Variants in RBFOX1 observed in about 807,000 individuals in gnomAD.
The protein encoded by RBFOX1 is RNA binding fox-1 homolog 1.
RBFOX1 carries 8 observed loss-of-function variants against 57.7 expected under a neutral mutation model. That is an observed-to-expected ratio of 0.14 (90% CI 0.08 to 0.25). The LOEUF is 0.25. Among genes scored for constraint, RBFOX1 ranks in the 10% least tolerant of loss-of-function variants. The probability of loss-of-function intolerance (pLI) is 1.00; values close to 1 mark genes in which losing one functional copy is unlikely to be tolerated. For synonymous variants in RBFOX1, 326 were observed against 222.4 expected (o/e 1.47, Z -4.15); for missense variants, 611 against 548.5 (o/e 1.11, Z -1.14).
intron 3 of RBFOX1, among the ~76,000 whole-genome samples, chr16:6,880,154 C>T (rs1291088001): frequency 2.6e-5 from 4 of 152,140 alleles, no homozygotes; most frequent in African/African-American, 4.8e-5. Flanking sequence ...GCACAGTTCT[C>T]TAATCATGGG....
At chr16:5,455,559 C>G (rs1281731375) in intron 1 of RBFOX1, among the ~76,000 whole-genome samples, 1 of 152,132 alleles carries the variant, frequency 6.6e-6, no homozygotes, top group Non-Finnish European at 1.5e-5. Context: ...CTAAGGTAAC[C>G]ACATACATTT....
intron 4 of RBFOX1, among the ~76,000 whole-genome samples, chr16:7,163,560 A>G (rs1307517973): frequency 2.0e-5 from 3 of 151,836 alleles, no homozygotes; most frequent in Non-Finnish European, 4.4e-5. Flanking sequence ...TCCACCTAGA[A>G]TCTCAATAAG....
chr16:6,853,966 C>T (rs2057328782), intron 3 of RBFOX1, among the ~76,000 whole-genome samples: 1 of 152,094 alleles, frequency 6.6e-6, no homozygotes, highest in African/African-American at 2.4e-5. Context: ...TTTTTTCAGA[C>T]AGTCATCTCC....
At chr16:7,256,187 T>C (rs2094674123) in intron 4 of RBFOX1, among the ~76,000 whole-genome samples, 1 of 152,188 alleles carries the variant, frequency 6.6e-6, no homozygotes, top group African/African-American at 2.4e-5. Flanking sequence ...GGCGAGAAGC[T>C]GGAGATGGTA....
intron 4 of RBFOX1, among the ~76,000 whole-genome samples, chr16:5,944,441 A>C (rs529092898): frequency 6.6e-6 from 1 of 152,258 alleles, no homozygotes; most frequent in African/African-American, 2.4e-5. Flanking sequence ...CTGAGGACAG[A>C]GTAGCTTTTC....
intron 3 of RBFOX1, among the ~76,000 whole-genome samples, chr16:6,920,342 T>C (rs2074192163): frequency 6.6e-6 from 1 of 152,186 alleles, no homozygotes. Context: ...TGAAGTTCAC[T>C]CCTGATATTG....
rs185110222 is a variant in RBFOX1, at chr16:7,588,946, C to G, written c.468+1646C>G. ...GCAAAAACAAAAGCAAAACAGAATC[C>G]CTTACACTTTGTGATAATACTCCTT... On this transcript the variant is annotated intron_variant, in intron 7 of 15. Transcript: ENST00000550418. Among the ~76,000 whole-genome samples the G allele has an allele frequency of 3.9e-5, 6 of 152,276 alleles. No homozygotes were observed. The East Asian group carries it at 7.7e-4, about 20-fold the overall frequency.
At chr16:7,611,130 A>T (rs1038128661) in intron 10 of RBFOX1, among the ~76,000 whole-genome samples, 3 of 152,240 alleles carry the variant, frequency 2.0e-5, no homozygotes, top group African/African-American at 7.2e-5. Context: ...TCTGAAGCTT[A>T]TGCAGAATTA....
chr16:7,134,217 G>T (rs1452073906), intron 4 of RBFOX1, among the ~76,000 whole-genome samples: 1 of 152,136 alleles, frequency 6.6e-6, no homozygotes, highest in Admixed American at 6.5e-5. Context: ...TGAGATTTTT[G>T]CCATTTGGAT....
intron 2 of RBFOX1, among the ~76,000 whole-genome samples, chr16:5,484,894 CAA>C (rs1337919913): frequency 1.5e-5 from 2 of 134,324 alleles, no homozygotes; most frequent in Non-Finnish European, 3.3e-5. Flanking sequence ...AGACTCCATC[CAA>C]AAAAAAAAAA....
At chr16:6,946,588 T>A (rs2079567603) in intron 3 of RBFOX1, among the ~76,000 whole-genome samples, 2 of 152,202 alleles carry the variant, frequency 1.3e-5, no homozygotes, top group Middle Eastern at 3.4e-3. Context: ...TCCAAGAACC[T>A]TTTTTTCATT....
chr16:5,283,673 C>A lies in RBFOX1; in HGVS notation c.219+43568C>A, dbSNP rs1196461001. Among the ~76,000 whole-genome samples the A allele has an allele frequency of 1.3e-5, 2 of 152,290 alleles. 1 individual carries two copies. The highest frequency in any genetic ancestry group is 2.9e-5 in the Non-Finnish European group (2 of 68,020). ...TGGGCTTGCGTGGGGCCTGTAGCCC[C>A]TTTGTTTTGGCAATTTTCTCCCATT... On this transcript the variant is annotated intron_variant, in intron 1 of 2. Coordinates refer to the RBFOX1 transcript ENST00000585867.
intron 3 of RBFOX1, among the ~76,000 whole-genome samples, chr16:6,899,177 T>C (rs904313088): frequency 8.4e-5 from 12 of 142,866 alleles, no homozygotes; most frequent in African/African-American, 3.2e-4. Context: ...TATGTGTGTG[T>C]ATAATATGTG....
At chr16:6,672,359 A>G (rs755035016) in intron 3 of RBFOX1, among the ~76,000 whole-genome samples, 80 of 151,550 alleles carry the variant, frequency 5.3e-4, no homozygotes, top group Non-Finnish European at 9.7e-4. Flanking sequence ...GGAGAGTGAG[A>G]GAGAGAAGAG....
At chr16:5,545,674 C>T (rs2045166406) in intron 2 of RBFOX1, among the ~76,000 whole-genome samples, 1 of 152,164 alleles carries the variant, frequency 6.6e-6, no homozygotes, top group Non-Finnish European at 1.5e-5. Flanking sequence ...AAAAACCCCT[C>T]ATCAAGTAGG....
intron 4 of RBFOX1, among the ~76,000 whole-genome samples, chr16:7,461,557 C>A (rs1312575553): frequency 1.3e-5 from 2 of 152,146 alleles, no homozygotes; most frequent in African/African-American, 4.8e-5. Context: ...CAGATACCCT[C>A]CAAGAACTTA....
intron 2 of RBFOX1, among the ~76,000 whole-genome samples, chr16:6,508,052 T>C (rs2096153438): frequency 6.6e-6 from 1 of 152,212 alleles, no homozygotes; most frequent in Non-Finnish European, 1.5e-5. Context: ...AAAAAGATCA[T>C]GTCCTTTGCA....
rs147324933 is a variant in RBFOX1 at position 5,515,013 on chromosome 16, T to C, written c.258+47759T>C. 4.9e-4 allele frequency among the ~76,000 whole-genome samples: 75 copies of C among 152,208 alleles called. 1 individual carries two copies. The South Asian group carries it at 0.013, about 27-fold the overall frequency. On this transcript the variant is annotated intron_variant, in intron 2 of 2. Coordinates refer to the RBFOX1 transcript ENST00000585867. ...GTGAAGGGGAAGCAGGAATGTTACA[T>C]GGTGTCAGAGGGAGGAGCAAGGTCC...
intron 4 of RBFOX1, among the ~76,000 whole-genome samples, chr16:6,007,524 C>T (rs1335859073): frequency 3.3e-5 from 5 of 152,178 alleles, no homozygotes; most frequent in Non-Finnish European, 2.9e-5. Context: ...ACGAGAGGTA[C>T]CCAGTAGAGC....
Sources: allele counts gnomAD v4.1 joint callset (sites outside exome capture counted in the v4.1 genomes callset), GRCh38; gene constraint gnomAD v4.1.1; transcripts MANE v1.5; gene names NCBI Gene and HGNC (gene_info 2026-07-23, HGNC 2026-07-21).